KDM4C: variants seen among roughly 807,000 people sequenced by gnomAD.
KDM4C encodes the protein lysine demethylase 4C.
In KDM4C, 81 loss-of-function variants were observed where a neutral mutation model predicts 129.3. That is an observed-to-expected ratio of 0.63 (90% CI 0.52 to 0.75). The LOEUF is 0.75. Among genes scored for constraint, KDM4C ranks in the 30% least tolerant of loss-of-function variants. The pLI is 0.00. For synonymous variants in KDM4C, 573 were observed against 456.1 expected (o/e 1.26, Z -3.26); for missense variants, 1,457 against 1,304.0 (o/e 1.12, Z -1.81).
chr9:7,007,255 C>G (rs975350784), intron 12 of KDM4C, among the ~76,000 whole-genome samples: 2 of 152,202 alleles, frequency 1.3e-5, no homozygotes, highest in African/African-American at 4.8e-5. Flanking sequence ...TATTTAGGCT[C>G]ATGGTTTTCT....
chr9:7,104,035 G>C, intron 18 of KDM4C, 165 bp downstream of exon 18: 1 of 631,670 alleles, frequency 1.6e-6, no homozygotes, highest in South Asian at 2.1e-5. Flanking sequence ...GTTATTTCCT[G>C]GTATTTGCCT....
At chr9:6,922,215 T>A (rs1228766661) in intron 8 of KDM4C, among the ~76,000 whole-genome samples, 1 of 152,236 alleles carries the variant, frequency 6.6e-6, no homozygotes, top group Non-Finnish European at 1.5e-5. Flanking sequence ...TTTTGTGAAT[T>A]TCTATCTAAT....
intron 5 of KDM4C, among the ~76,000 whole-genome samples, chr9:6,852,443 T>G (rs569738391): frequency 6.6e-6 from 1 of 152,306 alleles, no homozygotes; most frequent in South Asian, 2.1e-4. Flanking sequence ...TGACCTCCAG[T>G]CATTCTGATT....
At chr9:7,024,509 G>C (rs1414098002) in intron 15 of KDM4C, among the ~76,000 whole-genome samples, 4 of 151,082 alleles carry the variant, frequency 2.6e-5, no homozygotes, top group Admixed American at 6.6e-5. Context: ...ACAGTCCCTG[G>C]AGTGTGATGT....
At chr9:7,167,772 CAA>C (rs1844544839) in intron 20 of KDM4C, among the ~76,000 whole-genome samples, 1 of 152,198 alleles carries the variant, frequency 6.6e-6, no homozygotes, top group South Asian at 2.1e-4. Context: ...GGTGTCTCAG[CAA>C]AGCTAGACCA....
intron 8 of KDM4C, among the ~76,000 whole-genome samples, chr9:6,971,021 A>C (rs925066184): frequency 9.2e-5 from 14 of 152,172 alleles, no homozygotes; most frequent in Non-Finnish European, 1.3e-4. Flanking sequence ...ATATTTATGC[A>C]CTGGTGATGA....
At chr9:6,721,134 T>G (rs1473019708) in intron 1 of KDM4C, 5 of 711,706 alleles carry the variant, frequency 7.0e-6, no homozygotes, top group African/African-American at 1.8e-5. Flanking sequence ...AGGGCAGTGG[T>G]GCAATCACAC....
chr9:7,098,434 A>G (rs1388722560), intron 17 of KDM4C, among the ~76,000 whole-genome samples: 2 of 152,232 alleles, frequency 1.3e-5, no homozygotes, highest in Non-Finnish European at 2.9e-5. Flanking sequence ...ATTATGAGCC[A>G]TTTATTTTAA....
intron 19 of KDM4C, among the ~76,000 whole-genome samples, chr9:7,147,923 C>T (rs1041078237): frequency 1.2e-4 from 19 of 152,332 alleles, no homozygotes; most frequent in African/African-American, 4.3e-4. Flanking sequence ...AGGCTCGTTC[C>T]GTCCACTCAG....
At chr9:6,887,120 T>G (rs1038160544) in intron 6 of KDM4C, among the ~76,000 whole-genome samples, 1 of 152,234 alleles carries the variant, frequency 6.6e-6, no homozygotes, top group Non-Finnish European at 1.5e-5. Context: ...CTCTGTCTTT[T>G]CCTTGTTTCT....
chr9:6,998,123 A>C (rs1309211198), intron 12 of KDM4C, among the ~76,000 whole-genome samples: 1 of 152,204 alleles, frequency 6.6e-6, no homozygotes, highest in Non-Finnish European at 1.5e-5. Flanking sequence ...ATGAGCTGTT[A>C]AGCATCTTTT....
intron 8 of KDM4C, among the ~76,000 whole-genome samples, chr9:6,966,335 ACTGCGCCCAG>A (rs1830963561): frequency 6.6e-6 from 1 of 152,154 alleles, no homozygotes; most frequent in African/African-American, 2.4e-5. Context: ...GGCGCCCGCC[ACTGCGCCCAG>A]CTAATTTTTT....
intron 4 of KDM4C, among the ~76,000 whole-genome samples, chr9:6,823,623 T>C (rs1833396077): frequency 6.6e-6 from 1 of 152,200 alleles, no homozygotes; most frequent in Admixed American, 6.5e-5. Context: ...TGCTGCTGCC[T>C]CCAGATCTCC....
At chr9:7,136,994 A>G (rs1423612855) in intron 19 of KDM4C, among the ~76,000 whole-genome samples, 1 of 152,150 alleles carries the variant, frequency 6.6e-6, no homozygotes, top group Non-Finnish European at 1.5e-5. Flanking sequence ...AGATTTATTT[A>G]TTTTTTAAAT....
intron 4 of KDM4C, among the ~76,000 whole-genome samples, chr9:6,820,748 G>T (rs1343623417): frequency 1.5e-5 from 2 of 137,806 alleles, no homozygotes; most frequent in Non-Finnish European, 3.0e-5. Flanking sequence ...AATACTTCAA[G>T]TTCTAGGATA....
intron 19 of KDM4C, among the ~76,000 whole-genome samples, chr9:7,162,294 A>G (rs1473057735): frequency 7.2e-5 from 11 of 152,228 alleles, no homozygotes; most frequent in African/African-American, 2.7e-4. Context: ...TGAGTTTGGC[A>G]TGAAAGATTA....
At chr9:6,834,018 C>A (rs1226373227) in intron 4 of KDM4C, among the ~76,000 whole-genome samples, 1 of 147,196 alleles carries the variant, frequency 6.8e-6, no homozygotes, top group African/African-American at 2.5e-5. Flanking sequence ...GAAGTGGCCT[C>A]ATGGGATATG....
At chr9:6,914,251 G>C (rs959779329) in intron 8 of KDM4C, among the ~76,000 whole-genome samples, 3 of 152,078 alleles carry the variant, frequency 2.0e-5, no homozygotes, top group Non-Finnish European at 4.4e-5. Context: ...TAGAGACAGG[G>C]TTTCTCCGTG....
chr9:7,049,571 C>G (rs1829866788), intron 17 of KDM4C, among the ~76,000 whole-genome samples: 1 of 151,978 alleles, frequency 6.6e-6, no homozygotes, highest in East Asian at 1.9e-4. Context: ...TGGTCTTAAC[C>G]TAGCAAAATG....
Sources: gnomAD v4.1 joint callset for allele counts (sites outside exome capture counted in the v4.1 genomes callset) on GRCh38, gnomAD v4.1.1 for gene constraint, MANE v1.5 for transcripts, NCBI Gene and HGNC (gene_info 2026-07-23, HGNC 2026-07-21) for gene names.